TEX264: variants seen among roughly 807,000 people sequenced by gnomAD.
The protein encoded by TEX264 is testis-expressed protein 264.
In TEX264, 13 loss-of-function variants were observed where a neutral mutation model predicts 23.4. The observed-to-expected ratio is 0.56, with a 90% CI of 0.36 to 0.88. TEX264 has a LOEUF of 0.88. Among genes scored for constraint, TEX264 ranks in the 40% least tolerant of loss-of-function variants. The pLI is 0.01. For missense variants in TEX264, 340 were observed against 406.8 expected, an observed-to-expected ratio of 0.84 and a Z score of 1.41; for synonymous variants, 159 against 170.0, an observed-to-expected ratio of 0.94 and a Z score of 0.50.
intron 3 of TEX264, among the ~76,000 whole-genome samples, chr3:51,698,391 G>A (rs1215938387): frequency 1.3e-5 from 2 of 152,178 alleles, no homozygotes; most frequent in African/African-American, 4.8e-5. Flanking sequence ...TGTGAAGATT[G>A]GCGGGTGAGC....
intron 4 of TEX264, among the ~76,000 whole-genome samples, chr3:51,701,537 C>T (rs1703304840): frequency 6.6e-6 from 1 of 152,126 alleles, no homozygotes; most frequent in Non-Finnish European, 1.5e-5. Context: ...ATTGCCCAGG[C>T]TGGCCTTGAA....
chr3:51,684,837 C>T (rs1012071223), intron 3 of TEX264, among the ~76,000 whole-genome samples: 4 of 152,200 alleles, frequency 2.6e-5, no homozygotes, highest in Non-Finnish European at 4.4e-5. Flanking sequence ...TTTTGGAAGC[C>T]GGAGCATATC....
rs1231740526 is a variant in TEX264 at position 51,674,421 on chromosome 3, G to C, written c.117G>C (p.Gly39=). The C allele has an allele frequency of 1.9e-6, 3 of 1,614,186 alleles. No individual in the cohort carries two copies. The Admixed American group carries it at 5.0e-5, about 27-fold the overall frequency. Residue 39 remains glycine (G), a synonymous_variant, in exon 2 of 5, where the codon GGG becomes GGC. Transcript: ENST00000341333. The stretch of plus-strand genomic sequence containing the variant: ...TGGCTGGGGTGGAAGTGAGTGCTGG[G>C]TCACCCCCCATCCGCAACGTCACTG... ...GLLAGVEVSA[G]SPPIRNVTVA...
At chr3:51,698,617 C>T (rs1396328699) in intron 3 of TEX264, among the ~76,000 whole-genome samples, 1 of 152,152 alleles carries the variant, frequency 6.6e-6, no homozygotes, top group African/African-American at 2.4e-5. Flanking sequence ...GGTGGAGTGC[C>T]TTTTGGAACT....
intron 3 of TEX264, among the ~76,000 whole-genome samples, chr3:51,689,700 C>T (rs1207397945): frequency 6.6e-6 from 1 of 152,126 alleles, no homozygotes; most frequent in Non-Finnish European, 1.5e-5. Context: ...AAACCTCTGT[C>T]CTAAGAGAGG....
chr3:51,704,171 C>A lies in TEX264; in HGVS notation c.*155C>A. 1.5e-6 allele frequency: 1 copy of A among 656,450 alleles called. No homozygotes were observed. Among genetic ancestry groups the A allele is most frequent in the Non-Finnish European group, 2.2e-6 (1 of 455,114 alleles). 40.7% of individuals were successfully genotyped at this position (656,450 alleles called of 1,614,324 possible). A position where few individuals can be genotyped will look rare whatever the true frequency, so the allele number is the denominator to read the frequency against. ...CAGGCCTCTTGCTAAGCCTTCTCCTCACTGCCCTTTAGGCTCCCAGGGCCA... is the reference window on the plus strand; with the variant it reads ...CAGGCCTCTTGCTAAGCCTTCTCCTAACTGCCCTTTAGGCTCCCAGGGCCA... On this transcript the variant is annotated 3_prime_UTR_variant, in exon 5 of 5. Coordinates refer to ENST00000341333, the MANE Select transcript of TEX264 (RefSeq NM_015926.6).
At chr3:51,685,724 G>A (rs1392594678) in intron 3 of TEX264, among the ~76,000 whole-genome samples, 2 of 152,214 alleles carry the variant, frequency 1.3e-5, no homozygotes, top group African/African-American at 4.8e-5. Context: ...GGGTGGGACT[G>A]GACCACAGAT....
Position 51,684,175 on chromosome 3 carries a change from C to T in TEX264, c.259-238C>T, listed in dbSNP as rs1702527692. The T allele has an allele frequency of 2.7e-5, 15 of 549,066 alleles. 1 individual carries two copies. The South Asian group carries it at 3.1e-4, about 11-fold the overall frequency. 34.0% of individuals were successfully genotyped at this position (549,066 alleles called of 1,614,324 possible). On this transcript the variant is annotated intron_variant, in intron 2 of 4. Transcript: ENST00000341333. ...CCTCACTATGATCCCTGGGTTTCCA[C>T]AGGGCATGGCATGTTTGTTGAAGGA...
intron 3 of TEX264, among the ~76,000 whole-genome samples, chr3:51,687,633 T>G (rs761758935): frequency 6.6e-6 from 1 of 152,194 alleles, no homozygotes; most frequent in Non-Finnish European, 1.5e-5. Flanking sequence ...AGCTTTCTGC[T>G]TTGGCAGGGG....
At position 51,674,679 on chromosome 3, in the gene TEX264, C is replaced by A. The variant is rs556274908; in HGVS notation, c.258+117C>A. ...TGGGAGAATCTTCAAGCTGGCCCTG[C>A]AGACCCCTCCTCTATGAGCTTGAAG... On this transcript the variant is annotated intron_variant, in intron 2 of 4. Transcript: ENST00000341333. 279 of 1,232,548 alleles carry A rather than the reference C, an allele frequency of 2.3e-4. 1 individual carries two copies. The African/African-American group carries it at 4.1e-3, about 18-fold the overall frequency. 76.4% of individuals were successfully genotyped at this position (1,232,548 alleles called of 1,614,324 possible).
At chr3:51,672,084 G>C (rs1230686774) in intron 1 of TEX264, 1 of 152,420 alleles carries the variant, frequency 6.6e-6, no homozygotes, top group African/African-American at 2.4e-5. Context: ...GTAAAGCTAG[G>C]TTTGGCTTCT....
chr3:51,697,430 C>T (rs2107021806), intron 3 of TEX264, among the ~76,000 whole-genome samples: 1 of 152,340 alleles, frequency 6.6e-6, no homozygotes, highest in South Asian at 2.1e-4. Flanking sequence ...GACACAGGCT[C>T]TGTCCTCTGG....
At position 51,703,949 on chromosome 3, in the gene TEX264, G is replaced by A. The variant is rs11553574; in HGVS notation, c.875G>A (p.Gly292Glu). 83,767 of 1,587,728 alleles carry A rather than the reference G, an allele frequency of 0.053. 8,689 individuals carry two copies. The highest frequency in any genetic ancestry group is 0.33 in the Admixed American group (19,412 of 58,252). The change falls in exon 5 of 5, where the codon GGG becomes GAG. Residue 292 changes from glycine (G) to glutamate (E), a missense_variant. Transcript: ENST00000341333. This position sits in a 1 kb window ranked among gnomAD's most constrained non-coding sequence, Gnocchi z 4.8. ...TTAGGGGAGTCACGGCTGGACCCTG[G>A]GACTGAGCCCCTGGGGACTACCAAG... is the stretch of plus-strand genomic sequence containing the variant. ...GPLGESRLDP[G>E]TEPLGTTKWL...
intron 3 of TEX264, among the ~76,000 whole-genome samples, chr3:51,699,191 C>CT (rs1703187472): frequency 6.6e-6 from 1 of 152,164 alleles, no homozygotes; most frequent in Admixed American, 6.5e-5. Flanking sequence ...CGTCCTGGGT[C>CT]TTCAGACTAT....
intron 2 of TEX264, among the ~76,000 whole-genome samples, chr3:51,677,003 C>T (rs1702253723): frequency 6.6e-6 from 1 of 152,208 alleles, no homozygotes; most frequent in South Asian, 2.1e-4. Flanking sequence ...CCCATTTACT[C>T]TTGGAGCTGG....
At chr3:51,698,159 CCT>C (rs1703141815) in intron 3 of TEX264, among the ~76,000 whole-genome samples, 1 of 152,064 alleles carries the variant, frequency 6.6e-6, no homozygotes, top group Admixed American at 6.5e-5. Context: ...CAGGCTCACT[CCT>C]CTTTCCCTTT....
At chr3:51,680,341 C>T (rs950595259) in intron 2 of TEX264, among the ~76,000 whole-genome samples, 2 of 152,190 alleles carry the variant, frequency 1.3e-5, no homozygotes, top group Non-Finnish European at 2.9e-5. Context: ...GCAGGGGCCC[C>T]GAGATGGCTG....
At position 51,674,251 on chromosome 3, in the gene TEX264, CCCTT is replaced by C; in HGVS notation, c.-34-18_-34-15del. ...TCAGAGTAGGCTACCAGCCTCCTCT[CCCTT>C]CTTTCTCCTTTGCAGCTGCCTTGAG... On this transcript the variant is annotated splice_polypyrimidine_tract_variant and intron_variant, in intron 1 of 4. Coordinates refer to ENST00000341333, the MANE Select transcript of TEX264 (RefSeq NM_015926.6). 6.2e-7 allele frequency: 1 copy of C among 1,607,538 alleles called. No homozygotes were observed. The highest frequency in any genetic ancestry group is 8.5e-7 in the Non-Finnish European group (1 of 1,175,180).
intron 3 of TEX264, among the ~76,000 whole-genome samples, chr3:51,690,413 T>A (rs1449171614): frequency 6.6e-6 from 1 of 152,144 alleles, no homozygotes; most frequent in Non-Finnish European, 1.5e-5. Flanking sequence ...ACACCTCTAA[T>A]CTCAGCTACT....
Sources: gnomAD v4.1 joint callset for allele counts (sites outside exome capture counted in the v4.1 genomes callset) on GRCh38, gnomAD v4.1.1 for gene constraint, Gnocchi (gnomAD v3.1) non-coding constraint, MANE v1.5 for transcripts, NCBI Gene and HGNC (gene_info 2026-07-23, HGNC 2026-07-21) for gene names.